The following DPYD variants were observed in gnomAD, a reference collection of about 807,000 sequenced individuals.
DPYD encodes dihydropyrimidine dehydrogenase.
A neutral mutation model predicts 116.2 loss-of-function variants in DPYD; 109 were observed. That is an observed-to-expected ratio of 0.94 (90% CI 0.80 to 1.10). The LOEUF is 1.10. Among genes scored for constraint, DPYD ranks in the 50% least tolerant of loss-of-function variants. The pLI is 0.00. For missense variants in DPYD, 1,302 were observed against 1,254.5 expected (o/e 1.04, Z -0.57); for synonymous variants, 440 against 432.0 (o/e 1.02, Z -0.23).
Position 97,083,259 on chromosome 1 carries a change from T to A in DPYD, c.2767-789A>T, listed in dbSNP as rs2130365. Among the ~76,000 whole-genome samples, 1,245 of 152,250 alleles carry A rather than the reference T, an allele frequency of 8.2e-3. 8 individuals are homozygous for A. Among genetic ancestry groups the A allele is most frequent in the Non-Finnish European group, 0.013 (895 of 67,956 alleles). ...AGAATGTAGCAATGTCAAATTAGCA[T>A]GCTGTCAAGATTTTTGCTTTTGTTT... On this transcript the variant is annotated intron_variant, in intron 21 of 22. Coordinates refer to ENST00000370192, the MANE Select transcript of DPYD (RefSeq NM_000110.4).
chr1:97,595,189 T>C (rs775899618), intron 8 of DPYD, 23 bp from the exon 9 acceptor site: 17 of 1,594,870 alleles, frequency 1.1e-5, no homozygotes, highest in Non-Finnish European at 1.4e-5. Flanking sequence ...ATTTATAAAA[T>C]ATCATTAGCA....
intron 5 of DPYD, among the ~76,000 whole-genome samples, chr1:97,714,666 AAAAAAAAAC>A (rs1344663684): frequency 1.3e-5 from 2 of 151,668 alleles, no homozygotes; most frequent in Non-Finnish European, 2.9e-5. Flanking sequence ...AAAAAAAAAA[AAAAAAAAAC>A]AACTAAGCCG....
chr1:97,083,416 CT>C (rs1192695142), intron 21 of DPYD, among the ~76,000 whole-genome samples: 1 of 151,908 alleles, frequency 6.6e-6, no homozygotes. Context: ...CTTGCTTACT[CT>C]TCTTTACTTT....
At chr1:97,522,783 G>A (rs1186304359) in intron 12 of DPYD, among the ~76,000 whole-genome samples, 1 of 151,570 alleles carries the variant, frequency 6.6e-6, no homozygotes, top group East Asian at 1.9e-4. Flanking sequence ...CCTCTGTAGA[G>A]ATATAAATAA....
intron 15 of DPYD, 87 bp from the exon 16 acceptor site, chr1:97,373,731 T>C (rs1286006893): frequency 1.7e-6 from 2 of 1,156,092 alleles, no homozygotes; most frequent in South Asian, 1.3e-5. Flanking sequence ...CAAGTCACAT[T>C]TGTCAAGTGT....
intron 20 of DPYD, 33 bp from the exon 21 acceptor site, chr1:97,098,665 T>C (rs1650442302): frequency 3.1e-6 from 5 of 1,611,328 alleles, no homozygotes; most frequent in Non-Finnish European, 3.4e-6. Context: ...AGGAAGCATG[T>C]TAGCTCAGAG....
chr1:97,373,686 A>C (rs777628811), intron 15 of DPYD, 42 bp from the exon 16 acceptor site: 3 of 1,550,392 alleles, frequency 1.9e-6, no homozygotes, highest in Non-Finnish European at 2.7e-6. Context: ...GCAAAGCTTT[A>C]TTTATATACC....
intron 10 of DPYD, among the ~76,000 whole-genome samples, chr1:97,575,077 G>A (rs956769257): frequency 1.3e-5 from 2 of 152,244 alleles, no homozygotes; most frequent in South Asian, 2.1e-4. Context: ...ACCAGACTGC[G>A]CAGGCCCATT....
chr1:97,276,700 C>T, intron 18 of DPYD, among the ~76,000 whole-genome samples: 1 of 138,860 alleles, frequency 7.2e-6, no homozygotes, highest in East Asian at 2.1e-4. Context: ...AAAAAGTCAA[C>T]AAACAACAGA....
rs2102183261 is a variant in DPYD, at chr1:97,573,842, C to T, written c.1257G>A (p.Trp419Ter). Residue 419 changes from tryptophan to a stop codon, truncating the protein, a stop_gained, in exon 11 of 23, where the codon TGG (tryptophan) becomes TGA (stop). Coordinates refer to ENST00000370192, the MANE Select transcript of DPYD (RefSeq NM_000110.4). LOFTEE classifies it high-confidence loss of function. Reference sequence around the variant, plus strand: ...GGACCATCTGATCTTCATCTTCATTCCATTTTCCAGTTTCATCTTGCTCTG... The same window carrying T: ...GGACCATCTGATCTTCATCTTCATTTCATTTTCCAGTTTCATCTTGCTCTG... ...VRTEQDETGK[W>*]NEDEDQMVHL... The T allele has an allele frequency of 1.2e-6, 2 of 1,613,646 alleles. No homozygotes were observed. The highest frequency in any genetic ancestry group is 1.7e-6 in the Non-Finnish European group (2 of 1,179,674).
At chr1:97,710,531 T>A (rs1662223696) in intron 5 of DPYD, among the ~76,000 whole-genome samples, 1 of 151,874 alleles carries the variant, frequency 6.6e-6, no homozygotes, top group African/African-American at 2.4e-5. Context: ...TTTATCAAAA[T>A]TATTACTGTA....
rs751374989 is a variant in DPYD at position 97,573,828 on chromosome 1, T to A, written c.1271A>T (p.Asp424Val). ...ATCGGCTTTCAGATGGACCATCTGA[T>A]CTTCATCTTCATTCCATTTTCCAGT... ...DETGKWNEDE[D>V]QMVHLKADVV... Residue 424 changes from aspartate (D) to valine (V), a missense_variant, in exon 11 of 23, where the codon GAT becomes GTT. Asp to Val is a radical substitution (Grantham distance 152). Transcript: ENST00000370192. The A allele has an allele frequency of 3.1e-6, 5 of 1,613,656 alleles. No homozygotes were observed. In the Admixed American group the frequency reaches 8.3e-5, roughly 27 times the overall value.
At chr1:97,439,647 G>A (rs549680406) in intron 14 of DPYD, among the ~76,000 whole-genome samples, 31 of 151,428 alleles carry the variant, frequency 2.0e-4, no homozygotes, top group African/African-American at 6.3e-4. Context: ...AATTTTTTTC[G>A]TCTCCGCAAG....
At chr1:97,791,506 T>C (rs1022032165) in intron 3 of DPYD, among the ~76,000 whole-genome samples, 5 of 152,334 alleles carry the variant, frequency 3.3e-5, no homozygotes, top group Middle Eastern at 3.4e-3. Flanking sequence ...ATTTGTACCA[T>C]GTGTAAATTT....
At chr1:97,560,985 T>G (rs1652105490) in intron 11 of DPYD, among the ~76,000 whole-genome samples, 1 of 151,934 alleles carries the variant, frequency 6.6e-6, no homozygotes, top group Non-Finnish European at 1.5e-5. Context: ...GAAGGAAGGT[T>G]TTATGTGGGT....
At chr1:97,397,324 T>C (rs1673070040) in intron 14 of DPYD, among the ~76,000 whole-genome samples, 1 of 152,046 alleles carries the variant, frequency 6.6e-6, no homozygotes, top group Admixed American at 6.6e-5. Context: ...CAGATATATA[T>C]ATGGTATGTC....
At chr1:97,611,405 G>A (rs1655936991) in intron 8 of DPYD, among the ~76,000 whole-genome samples, 1 of 151,940 alleles carries the variant, frequency 6.6e-6, no homozygotes, top group African/African-American at 2.4e-5. Flanking sequence ...TCATTTGGGT[G>A]ATAAACCGTA....
At chr1:97,831,226 G>A (rs1571432876) in intron 2 of DPYD, among the ~76,000 whole-genome samples, 1 of 152,200 alleles carries the variant, frequency 6.6e-6, no homozygotes, top group African/African-American at 2.4e-5. Flanking sequence ...TTAGGCTCTT[G>A]CCATATAGAA....
At chr1:97,255,843 G>T (rs1663418955) in intron 18 of DPYD, among the ~76,000 whole-genome samples, 1 of 151,890 alleles carries the variant, frequency 6.6e-6, no homozygotes, top group Non-Finnish European at 1.5e-5. Context: ...CCTATGCTAG[G>T]TTGCTGACTT....
Sources: gnomAD v4.1 joint callset for allele counts (sites outside exome capture counted in the v4.1 genomes callset) on GRCh38, gnomAD v4.1.1 for gene constraint, MANE v1.5 for transcripts, NCBI Gene and HGNC (gene_info 2026-07-23, HGNC 2026-07-21) for gene names.